Variants in RAD51D observed in about 807,000 individuals in gnomAD.
The protein encoded by RAD51D is DNA repair protein RAD51 homolog 4.
In RAD51D, 38 loss-of-function variants were observed where a neutral mutation model predicts 44.1. The observed-to-expected ratio is 0.86, with a 90% CI of 0.67 to 1.13. The LOEUF (loss-of-function observed/expected upper bound fraction) is 1.13, where lower values mean the gene tolerates loss of function less well. Among genes scored for constraint, RAD51D ranks in the 50% most tolerant of loss-of-function variants. RAD51D has a pLI of 0.00. For missense variants in RAD51D, 390 were observed against 414.0 expected (o/e 0.94, Z 0.50); for synonymous variants, 141 against 166.6 (o/e 0.85, Z 1.18).
At chr17:35,107,737 CTT>C (rs34531142) in intron 3 of RAD51D, among the ~76,000 whole-genome samples, 1,324 of 93,802 alleles carry the variant, frequency 0.014, 9 homozygotes, top group African/African-American at 0.061. Context: ...TGTGGGTTTC[CTT>C]TTTTTTTTTT....
chr17:35,116,565 G>A lies in RAD51D; in HGVS notation c.263+1936C>T, dbSNP rs112301727. On this transcript the variant is annotated intron_variant, in intron 3 of 9. Coordinates refer to ENST00000345365, the MANE Select transcript of RAD51D (RefSeq NM_002878.4). ...GCTGGAGTGCAGTGGTGCGATCTCC[G>A]CTCACTGCAAGCTCCGCTTCCCGGG... Among the ~76,000 whole-genome samples the A allele has an allele frequency of 3.2e-3, 488 of 152,060 alleles. 7 individuals are homozygous for A. The highest frequency in any genetic ancestry group is 0.01 in the African/African-American group (424 of 41,440).
rs2091495010 is a variant in RAD51D, at chr17:35,097,493, GTGTATA to G, written c.*3454_*3459del. On this transcript the variant is annotated 3_prime_UTR_variant, in exon 10 of 10. Coordinates refer to ENST00000345365, the MANE Select transcript of RAD51D (RefSeq NM_002878.4). ...TGTGTATATATATGTATATATATGT[GTGTATA>G]TGTGTGTGTGTGTGTGTGTATATAT... The G allele has an allele frequency of 4.1e-5, 6 of 145,880 alleles. No homozygotes were observed. In the South Asian group the frequency reaches 1.3e-3, roughly 31 times the overall value. The allele number at this position is 145,880 out of a possible 1,614,324, so 9.0% of individuals were successfully genotyped here.
Position 35,107,462 on chromosome 17 carries a change from G to T in RAD51D, c.264-15C>A. ...GTTTATCAAGACTGATGGCAGAAGA[G>T]AAGAAAATCAACACAAGAGGTTAGG... On this transcript the variant is annotated splice_polypyrimidine_tract_variant and intron_variant, in intron 3 of 9. Coordinates refer to ENST00000345365, the MANE Select transcript of RAD51D (RefSeq NM_002878.4). The T allele has an allele frequency of 6.6e-7, 1 of 1,521,954 alleles. No individual in the cohort carries two copies. 94.3% of individuals were successfully genotyped at this position (1,521,954 alleles called of 1,614,324 possible). A position where few individuals can be genotyped will look rare whatever the true frequency, so the allele number is the denominator to read the frequency against.
In RAD51D at chr17:35,119,614, G is replaced by T; in HGVS notation, c.-1C>A. On this transcript the variant is annotated 5_prime_UTR_variant, in exon 1 of 10. Transcript: ENST00000345365. ...ACAGTCCGACCCTGAGCACGCCCAT[G>T]TTCCCCGCAGGCCGGAACAGCCCCA... 1.9e-6 allele frequency: 3 copies of T among 1,610,766 alleles called. No homozygotes were observed. The South Asian group carries it at 3.3e-5, about 18-fold the overall frequency.
intron 3 of RAD51D, among the ~76,000 whole-genome samples, chr17:35,116,001 GAA>G (rs1491209500): frequency 1.4e-5 from 2 of 147,824 alleles, no homozygotes; most frequent in East Asian, 3.9e-4. Context: ...AAGAAAGAAA[GAA>G]AGAAAGAAAG....
chr17:35,101,415 C>A (rs548882000), intron 8 of RAD51D, 50 bp from the exon 9 acceptor site: 2 of 1,565,608 alleles, frequency 1.3e-6, no homozygotes, highest in Admixed American at 1.7e-5. Context: ...TAGAGGACAT[C>A]GATTACTACC....
intron 2 of RAD51D, among the ~76,000 whole-genome samples, 168 bp downstream of exon 2, chr17:35,118,943 A>G (rs1212259328): frequency 6.6e-6 from 1 of 152,108 alleles, no homozygotes; most frequent in African/African-American, 2.4e-5. Context: ...GGGTTTCACC[A>G]TGTTGGCCTG....
At chr17:35,116,895 G>C (rs1234250425) in intron 3 of RAD51D, 3 of 1,593,856 alleles carry the variant, frequency 1.9e-6, no homozygotes, top group Non-Finnish European at 1.7e-6. Flanking sequence ...TTCATCGAAA[G>C]CATTCAGCGA....
rs1362200818 is a variant in RAD51D at position 35,097,525 on chromosome 17, A to G, written c.*3428T>C. On this transcript the variant is annotated 3_prime_UTR_variant, in exon 10 of 10. Coordinates refer to ENST00000345365, the MANE Select transcript of RAD51D (RefSeq NM_002878.4). ...TGTGTGTGTGTGTGTGTGTATATAT[A>G]TATATATATGTATATGTATATGTAT... is the stretch of plus-strand genomic sequence containing the variant. The G allele has an allele frequency of 1.3e-5, 2 of 150,864 alleles. No homozygotes were observed. The highest frequency in any genetic ancestry group is 4.9e-5 in the African/African-American group (2 of 41,026). The allele number at this position is 150,864 out of a possible 1,614,324, so 9.3% of individuals were successfully genotyped here.
At chr17:35,102,793 A>T (rs182278744) in intron 8 of RAD51D, among the ~76,000 whole-genome samples, 1 of 152,340 alleles carries the variant, frequency 6.6e-6, no homozygotes, top group East Asian at 1.9e-4. Flanking sequence ...TATGAGAAGC[A>T]TGCAGACTTT....
intron 3 of RAD51D, among the ~76,000 whole-genome samples, chr17:35,110,064 G>A (rs1317181249): frequency 6.7e-6 from 1 of 149,040 alleles, no homozygotes; most frequent in Non-Finnish European, 1.5e-5. Context: ...TGACCTCCCA[G>A]GCTGAGGTGA....
rs1337337841 is a variant in RAD51D at position 35,119,059 on chromosome 17, T to C, written c.144+52A>G. On this transcript the variant is annotated intron_variant, in intron 2 of 9. Coordinates refer to ENST00000345365, the MANE Select transcript of RAD51D (RefSeq NM_002878.4). ...GCCACCGCGCCCAGCTGGCTTGGGA[T>C]GGACTTTTTAAAAAGACACTCAGGT... 7 of 1,559,984 alleles carry C rather than the reference T, an allele frequency of 4.5e-6. No individual in the cohort carries two copies. The African/African-American group carries it at 6.8e-5, about 15-fold the overall frequency.
intron 3 of RAD51D, among the ~76,000 whole-genome samples, chr17:35,115,111 G>A (rs943880731): frequency 3.3e-5 from 5 of 152,152 alleles, no homozygotes; most frequent in Non-Finnish European, 4.4e-5. Flanking sequence ...CTTTAACTCC[G>A]CATGTCAACA....
intron 3 of RAD51D, among the ~76,000 whole-genome samples, chr17:35,115,652 G>A (rs1346627956): frequency 1.3e-5 from 2 of 152,114 alleles, no homozygotes; most frequent in African/African-American, 4.8e-5. Flanking sequence ...GGCGGATCAC[G>A]AGGTCAGAAG....
rs2091534078 is a variant in RAD51D at position 35,101,295 on chromosome 17, A to T, written c.809T>A (p.Phe270Tyr). 6.2e-7 allele frequency: 1 copy of T among 1,614,194 alleles called. No homozygotes were observed. Among genetic ancestry groups the T allele is most frequent in the South Asian group, 1.1e-5 (1 of 91,086 alleles). Residue 270 changes from phenylalanine (F) to tyrosine (Y), a missense_variant, in exon 9 of 10, where the codon TTT (phenylalanine) becomes TAT (tyrosine). Transcript: ENST00000345365. ...CAGGAGAATCCGAGTGCTGGGCACA[A>T]AGCTCCAGGAGCGTCCGAGGGCAGG... Reference protein sequence around the residue: ...LKPALGRSWSFVPSTRILLDT... With the variant: ...LKPALGRSWSYVPSTRILLDT...
rs2142419091 is a variant in RAD51D at position 35,103,346 on chromosome 17, A to G, written c.668-22T>C. ...AAGCCTGCAGGAGGAGGAGAAGCAG[A>G]GAGGGAGGGCAGTGGGGAACCAGGG... On this transcript the variant is annotated intron_variant, in intron 7 of 9. Coordinates refer to ENST00000345365, the MANE Select transcript of RAD51D (RefSeq NM_002878.4). This position sits in a 1 kb window ranked among gnomAD's most constrained non-coding sequence, Gnocchi z 4.1. 6.2e-7 allele frequency: 1 copy of G among 1,612,826 alleles called. No homozygotes were observed. Among genetic ancestry groups the G allele is most frequent in the African/African-American group, 1.3e-5 (1 of 75,040 alleles).
Position 35,103,670 on chromosome 17 carries a change from C to T in RAD51D, c.577-126G>A, listed in dbSNP as rs756878632. The T allele has an allele frequency of 1.3e-4, 95 of 726,592 alleles. 1 individual carries two copies. Among genetic ancestry groups the T allele is most frequent in the Middle Eastern group, 3.3e-4 (1 of 3,030 alleles). The allele number at this position is 726,592 out of a possible 1,614,324, so 45.0% of individuals were successfully genotyped here. ...CCCATCCCAAATACAGCAAGCTGCA[C>T]GGGCATCACAGAATGTCATCAGCAG... is the stretch of plus-strand genomic sequence containing the variant. On this transcript the variant is annotated intron_variant, in intron 6 of 9. Coordinates refer to ENST00000345365, the MANE Select transcript of RAD51D (RefSeq NM_002878.4). The surrounding 1 kb of genome is among the most constrained non-coding windows in gnomAD (Gnocchi z 4.1).
At chr17:35,111,759 T>C (rs2091679637) in intron 3 of RAD51D, among the ~76,000 whole-genome samples, 1 of 152,162 alleles carries the variant, frequency 6.6e-6, no homozygotes, top group Admixed American at 6.6e-5. Context: ...TTAGCTAATC[T>C]AGGTAAAACT....
chr17:35,109,973 T>C (rs956531944), intron 3 of RAD51D, among the ~76,000 whole-genome samples: 1 of 150,650 alleles, frequency 6.6e-6, no homozygotes, highest in Non-Finnish European at 1.5e-5. Flanking sequence ...GGCTTTTTTT[T>C]TTTTTTTGAG....
Sources: allele counts gnomAD v4.1 joint callset (sites outside exome capture counted in the v4.1 genomes callset), GRCh38; gene constraint gnomAD v4.1.1; non-coding constraint Gnocchi (gnomAD v3.1); transcripts MANE v1.5; gene names NCBI Gene and HGNC (gene_info 2026-07-23, HGNC 2026-07-21).